The following PLCH1 variants were observed in gnomAD, a reference collection of about 807,000 sequenced individuals.
The protein encoded by PLCH1 is 1-phosphatidylinositol 4,5-bisphosphate phosphodiesterase eta-1.
A neutral mutation model predicts 126.7 loss-of-function variants in PLCH1; 60 were observed. The ratio of observed to expected loss-of-function variants is 0.47; its 90% CI spans 0.38 to 0.59. The LOEUF (loss-of-function observed/expected upper bound fraction) is 0.59. PLCH1 is among the 20% of genes least tolerant of loss of function. The probability of loss-of-function intolerance (pLI) is 0.00; values close to 1 mark genes in which losing one functional copy is unlikely to be tolerated. For missense variants in PLCH1, 1,723 were observed against 2,040.0 expected (o/e 0.84, Z 2.99); for synonymous variants, 719 against 734.9 (o/e 0.98, Z 0.35).
At chr3:155,528,040 AT>A (rs1722193132) in intron 10 of PLCH1, among the ~76,000 whole-genome samples, 1 of 151,862 alleles carries the variant, frequency 6.6e-6, no homozygotes, top group Non-Finnish European at 1.5e-5. Flanking sequence ...TCTGGGCAAC[AT>A]GGTGAAACCT....
In PLCH1 at chr3:155,619,722, C is replaced by G. The variant is rs189319783; in HGVS notation, c.80-23344G>C. On this transcript the variant is annotated intron_variant, in intron 2 of 22. Coordinates refer to ENST00000460012, the MANE Select transcript of PLCH1 (RefSeq NM_014996.4). The stretch of plus-strand genomic sequence containing the variant: ...CCTCAGGCCTAAAGAATCCAAGGGA[C>G]TAAAAGCTTCAGAGACCACCTGCTA... Among the ~76,000 whole-genome samples the G allele has an allele frequency of 5.9e-5, 9 of 152,194 alleles. No individual in the cohort carries two copies. The East Asian group carries it at 1.7e-3, about 29-fold the overall frequency.
chr3:155,627,084 A>C (rs966351684), intron 2 of PLCH1, among the ~76,000 whole-genome samples: 31 of 152,228 alleles, frequency 2.0e-4, no homozygotes, highest in Non-Finnish European at 3.7e-4. Flanking sequence ...CATGATATGC[A>C]AAATTTTTCA....
chr3:155,530,895 G>A (rs532736576), intron 10 of PLCH1, among the ~76,000 whole-genome samples: 3 of 152,208 alleles, frequency 2.0e-5, no homozygotes, highest in African/African-American at 4.8e-5. Context: ...ATAGAACAAC[G>A]AGCTACAGAA....
intron 2 of PLCH1, among the ~76,000 whole-genome samples, chr3:155,668,430 G>A (rs748815859): frequency 2.0e-5 from 3 of 152,140 alleles, no homozygotes; most frequent in African/African-American, 4.8e-5. Context: ...TCTTATCTTC[G>A]TGGGCATGCA....
At chr3:155,668,200 T>G (rs1228180848) in intron 2 of PLCH1, among the ~76,000 whole-genome samples, 1 of 152,154 alleles carries the variant, frequency 6.6e-6, no homozygotes, top group Non-Finnish European at 1.5e-5. Flanking sequence ...AACTTTCATC[T>G]GTTTGTTGCT....
At chr3:155,471,165 C>A (rs1713209966) in intron 21 of PLCH1, among the ~76,000 whole-genome samples, 1 of 152,164 alleles carries the variant, frequency 6.6e-6, no homozygotes, top group Admixed American at 6.5e-5. Flanking sequence ...CATCAGTGTG[C>A]TGTATTCAGG....
intron 10 of PLCH1, among the ~76,000 whole-genome samples, chr3:155,547,351 C>CACCAGTTAGAATGGCAATCATT (rs1423313499): frequency 3.6e-4 from 55 of 151,726 alleles, no homozygotes; most frequent in Non-Finnish European, 6.9e-4. Flanking sequence ...TACCATCTCA[C>CACCAGTTAGAATGGCAATCATT]ACCAGTTAGA....
chr3:155,631,902 CTTTTTTTT>C (rs60843505), intron 2 of PLCH1, among the ~76,000 whole-genome samples: 1 of 140,842 alleles, frequency 7.1e-6, no homozygotes, highest in South Asian at 2.2e-4. Context: ...ACAAGAACTC[CTTTTTTTT>C]TTTTTTTTTG....
In PLCH1 at chr3:155,559,657, A is replaced by G. The variant is rs574491381; in HGVS notation, c.1069+5258T>C. Among the ~76,000 whole-genome samples, 3 of 152,310 alleles carry G rather than the reference A, an allele frequency of 2.0e-5. No individual in the cohort carries two copies. The East Asian group carries it at 5.8e-4, about 29-fold the overall frequency. On this transcript the variant is annotated intron_variant, in intron 8 of 22. Transcript: ENST00000460012. Reference sequence around the variant, plus strand: ...CAAGCTGGTGAGGAAGATATTTGGGAGCATATAAAAAATTACATATCCTTC... The same window carrying G: ...CAAGCTGGTGAGGAAGATATTTGGGGGCATATAAAAAATTACATATCCTTC...
chr3:155,475,902 C>G (rs565583461), downstream of PLCH1, among the ~76,000 whole-genome samples: 1 of 151,992 alleles, frequency 6.6e-6, no homozygotes, highest in Non-Finnish European at 1.5e-5. Flanking sequence ...ATGACTTACA[C>G]CAATCCTACT....
At chr3:155,512,119 G>A (rs1388464804) in intron 12 of PLCH1, among the ~76,000 whole-genome samples, 3 of 150,768 alleles carry the variant, frequency 2.0e-5, no homozygotes, top group Non-Finnish European at 4.4e-5. Context: ...GATTTTCCAG[G>A]TGCGTCCGTC....
intron 1 of PLCH1, among the ~76,000 whole-genome samples, chr3:155,741,727 A>G (rs1161186000): frequency 1.1e-5 from 1 of 87,570 alleles, no homozygotes; most frequent in African/African-American, 5.8e-5. Flanking sequence ...AATAGTTATG[A>G]TCCTTCAGGC....
chr3:155,743,496 C>T (rs570376957), intron 1 of PLCH1: 8 of 437,894 alleles, frequency 1.8e-5, no homozygotes, highest in Admixed American at 5.3e-5. Context: ...CGCACCACTG[C>T]ACTCCAGCCT....
chr3:155,605,044 A>G (rs1222863812), intron 2 of PLCH1, among the ~76,000 whole-genome samples: 4 of 152,232 alleles, frequency 2.6e-5, no homozygotes, highest in Non-Finnish European at 5.9e-5. Flanking sequence ...AAGTTGGCCC[A>G]GCAGACTGGT....
chr3:155,538,990 AC>A (rs777507104), intron 10 of PLCH1, among the ~76,000 whole-genome samples: 2 of 152,154 alleles, frequency 1.3e-5, no homozygotes, highest in Non-Finnish European at 2.9e-5. Flanking sequence ...ATGAACATAG[AC>A]GCAAAAATCC....
intron 1 of PLCH1, among the ~76,000 whole-genome samples, chr3:155,729,482 G>A (rs980546173): frequency 4.6e-5 from 7 of 152,306 alleles, no homozygotes; most frequent in Admixed American, 2.6e-4. Flanking sequence ...AAAAGAGGGA[G>A]GAGAATATGG....
Position 155,482,509 on chromosome 3 carries a change from T to C in PLCH1, c.3517A>G (p.Ile1173Val), listed in dbSNP as rs1211835763. ...TCATTTGTTAAAGTGACATTGTCAA[T>C]AAGATGGGAAATTACACTCTCCTGC... ...ILQESVISHL[I>V]DNVTLTNENE... The change falls in exon 23 of 23, where the codon ATT (isoleucine) becomes GTT (valine). Residue 1173 changes from isoleucine (I) to valine (V), a missense_variant. By Grantham distance (29) the Ile-to-Val change is conservative (BLOSUM62 3). This residue lies in a region of PLCH1 where 947 missense variants were observed against 977.1 expected (regional missense o/e 0.97). Coordinates refer to ENST00000460012, the MANE Select transcript of PLCH1 (RefSeq NM_014996.4). The C allele has an allele frequency of 1.2e-6, 2 of 1,614,008 alleles. No homozygotes were observed. The highest frequency in any genetic ancestry group is 3.3e-5 in the Admixed American group (2 of 60,004).
intron 12 of PLCH1, among the ~76,000 whole-genome samples, chr3:155,512,655 T>C (rs902509976): frequency 6.6e-6 from 1 of 152,124 alleles, no homozygotes; most frequent in African/African-American, 2.4e-5. Flanking sequence ...ATGAAGAAAG[T>C]GGAGGTGTGC....
At position 155,682,567 on chromosome 3, in the gene PLCH1, G is replaced by A. The variant is rs1033636405; in HGVS notation, c.79+21579C>T. ...TCCTCTAGGAACACATACCCCACAT[G>A]AGCCTGACAGCAACTACAGGAAGGC... On this transcript the variant is annotated intron_variant, in intron 2 of 22. Transcript: ENST00000460012. Among the ~76,000 whole-genome samples the A allele has an allele frequency of 3.9e-5, 6 of 152,122 alleles. No individual in the cohort carries two copies. The East Asian group carries it at 1.2e-3, about 29-fold the overall frequency.
Sources: gnomAD v4.1 joint callset for allele counts (sites outside exome capture counted in the v4.1 genomes callset) on GRCh38, gnomAD v4.1.1 for gene constraint, gnomAD v4.1.1 regional missense constraint, MANE v1.5 for transcripts, NCBI Gene and HGNC (gene_info 2026-07-23, HGNC 2026-07-21) for gene names.